NUDT16L1: variants seen among roughly 807,000 people sequenced by gnomAD.
NUDT16L1 encodes the protein tudor-interacting repair regulator protein.
In NUDT16L1, 19 loss-of-function variants were observed where a neutral mutation model predicts 17.3. That is an observed-to-expected ratio of 1.10 (90% CI 0.77 to 1.61). NUDT16L1 has a LOEUF of 1.61. Ranked by LOEUF, NUDT16L1 falls within the 40% of genes most tolerant of loss-of-function variation. NUDT16L1 has a pLI of 0.00. For synonymous variants in NUDT16L1, 255 were observed against 138.6 expected, an observed-to-expected ratio of 1.84 and a Z score of -5.90; for missense variants, 341 against 292.0, an observed-to-expected ratio of 1.17 and a Z score of -1.22.
chr16:4,695,768 C>T (rs909648453), exon 3 of NUDT16L1: 5 of 397,148 alleles, frequency 1.3e-5, no homozygotes, highest in Non-Finnish European at 2.2e-5. Flanking sequence ...TTCCCAGGGA[C>T]AGTCAGGGCC....
exon 3 of NUDT16L1, chr16:4,695,335 T>C: frequency 1.3e-6 from 1 of 782,570 alleles, no homozygotes; most frequent in Non-Finnish European, 2.0e-6. Context: ...AGTCACTAGG[T>C]GGCGGCCGGG....
chr16:4,694,400 G>A (rs1210942879), intron 2 of NUDT16L1, 162 bp downstream of exon 2: 2 of 1,471,200 alleles, frequency 1.4e-6, no homozygotes, highest in East Asian at 2.5e-5. Context: ...GGGCTGGGAG[G>A]CCGGGAAAGG....
chr16:4,693,590 T>C, upstream of NUDT16L1: 11 of 1,022,404 alleles, frequency 1.1e-5, no homozygotes, highest in Non-Finnish European at 1.3e-5. Flanking sequence ...TGCGAGGGGC[T>C]CGGTCCCGGG....
At chr16:4,694,767 G>A in intron 2 of NUDT16L1, 191 bp from the exon 3 acceptor site, 1 of 1,431,128 alleles carries the variant, frequency 7.0e-7, no homozygotes. Flanking sequence ...CTCCACACTT[G>A]CTTGGGGAGG....
chr16:4,694,936 C>T (rs772174005), intron 2 of NUDT16L1, 22 bp from the exon 3 acceptor site: 5 of 1,592,808 alleles, frequency 3.1e-6, no homozygotes, highest in Admixed American at 3.5e-5. Context: ...CTGGCCCCAA[C>T]CCCTACCTCC....
chr16:4,695,376 A>G, exon 3 of NUDT16L1: 1 of 615,896 alleles, frequency 1.6e-6, no homozygotes, highest in South Asian at 2.0e-5. Context: ...CCTCTCAGGC[A>G]GAGCAGGGTG....
exon 3 of NUDT16L1, chr16:4,695,209 T>G: frequency 6.2e-7 from 1 of 1,601,550 alleles, no homozygotes; most frequent in Non-Finnish European, 8.5e-7. Flanking sequence ...CACCCTCCCC[T>G]GGGCCGGAAG....
At chr16:4,695,314 C>G in exon 3 of NUDT16L1, 1 of 875,508 alleles carries the variant, frequency 1.1e-6, no homozygotes, top group East Asian at 2.7e-5. Flanking sequence ...ATCATCTCCA[C>G]TGTCCCAAGC....
chr16:4,694,633 T>C, intron 2 of NUDT16L1: 2 of 1,420,482 alleles, frequency 1.4e-6, no homozygotes, highest in Non-Finnish European at 9.2e-7. Context: ...GGATTTGTAC[T>C]TTGTGGTCTG....
At chr16:4,695,706 A>T (rs1184876833) in exon 3 of NUDT16L1, 3 of 402,410 alleles carry the variant, frequency 7.5e-6, no homozygotes, top group African/African-American at 6.2e-5. Context: ...CTCTTTCACC[A>T]CGTGTGAACT....
chr16:4,694,268 G>A, intron 2 of NUDT16L1, 30 bp downstream of exon 2: 1 of 1,459,366 alleles, frequency 6.9e-7, no homozygotes, highest in Non-Finnish European at 9.0e-7. Context: ...CCCGCCCCCC[G>A]CCCCGGGGTT....
At chr16:4,694,685 G>T (rs1018881153) in intron 2 of NUDT16L1, 3 of 1,422,910 alleles carry the variant, frequency 2.1e-6, no homozygotes, top group South Asian at 3.1e-5. Context: ...TTGGGTGGAC[G>T]GGGGGAGCAT....
rs1198852558 is a variant in NUDT16L1, at chr16:4,693,941, C to T, written c.154-37C>T. Reference sequence around the variant, plus strand: ...GCGGGCGGGCCCGGGCGGGGGCGTCCGTCGACCCCGCGGCTGTGACCCGCG... The same window carrying T: ...GCGGGCGGGCCCGGGCGGGGGCGTCTGTCGACCCCGCGGCTGTGACCCGCG... On this transcript the variant is annotated intron_variant, in intron 1 of 2. Transcript: ENST00000304301. 1.5e-5 allele frequency: 23 copies of T among 1,506,224 alleles called. No individual in the cohort carries two copies. In the East Asian group the frequency reaches 5.0e-4, roughly 33 times the overall value. The allele number at this position is 1,506,224 out of a possible 1,614,324, so 93.3% of individuals were successfully genotyped here. A position where few individuals can be genotyped will look rare whatever the true frequency, so the allele number is the denominator to read the frequency against.
At chr16:4,695,801 CGAA>C in exon 3 of NUDT16L1, 1 of 388,270 alleles carries the variant, frequency 2.6e-6, no homozygotes, top group Non-Finnish European at 4.5e-6. Context: ...CTATGTACAA[CGAA>C]GCTGTCGAAG....
chr16:4,694,195 C>T, exon 2 of NUDT16L1: 1 of 1,562,954 alleles, frequency 6.4e-7, no homozygotes, highest in East Asian at 2.4e-5. Context: ...CAGCTGCACG[C>T]CGTGGAGATC....
chr16:4,694,865 T>C (rs960874343), intron 2 of NUDT16L1, 93 bp from the exon 3 acceptor site: 109 of 1,497,270 alleles, frequency 7.3e-5, no homozygotes, highest in Non-Finnish European at 9.5e-5. Flanking sequence ...AGCTGGCTGC[T>C]CATACCCTGG....
At chr16:4,694,007 C>A in exon 2 of NUDT16L1, 2 of 1,583,596 alleles carry the variant, frequency 1.3e-6, no homozygotes, top group Non-Finnish European at 1.7e-6. Flanking sequence ...GGCTGCTGGG[C>A]TTCCCCGGGG....
intron 2 of NUDT16L1, 27 bp from the exon 3 acceptor site, chr16:4,694,931 C>T (rs1158206440): frequency 1.0e-5 from 16 of 1,587,956 alleles, no homozygotes; most frequent in African/African-American, 2.7e-5. Flanking sequence ...CAGGCCTGGC[C>T]CCAACCCCTA....
intron 2 of NUDT16L1, chr16:4,694,564 CTT>C (rs1349060039): frequency 5.5e-6 from 8 of 1,451,108 alleles, no homozygotes; most frequent in Non-Finnish European, 6.3e-6. Context: ...AGTTGGGAAA[CTT>C]GAGCACAGCG....
Sources: gnomAD v4.1 joint callset for allele counts on GRCh38, gnomAD v4.1.1 for gene constraint, MANE v1.5 for transcripts, NCBI Gene and HGNC (gene_info 2026-07-23, HGNC 2026-07-21) for gene names.